The following LOC400499 variants were observed in gnomAD, a reference collection of about 807,000 sequenced individuals.
At chr16:11,437,498 G>A in the LOC400499 span, among the ~76,000 whole-genome samples, 1 of 152,228 alleles carries the variant, frequency 6.6e-6, no homozygotes, top group Non-Finnish European at 1.5e-5. Context: ...GGTGGAGGCT[G>A]CAGTGAGCCA....
At chr16:11,401,838 G>A in the LOC400499 span, among the ~76,000 whole-genome samples, 1 of 152,206 alleles carries the variant, frequency 6.6e-6, no homozygotes, top group Non-Finnish European at 1.5e-5. Flanking sequence ...CGTCACTGCC[G>A]TGGCTGTCAA....
the LOC400499 span, chr16:11,384,967 C>T: frequency 1.6e-6 from 2 of 1,232,264 alleles, no homozygotes; most frequent in Non-Finnish European, 2.0e-6. Context: ...CCTCGCTGGC[C>T]AGCTCAATCC....
At chr16:11,506,844 C>G in the LOC400499 span, among the ~76,000 whole-genome samples, 1 of 152,240 alleles carries the variant, frequency 6.6e-6, no homozygotes, top group South Asian at 2.1e-4. Flanking sequence ...GGTCTATCCC[C>G]CTGGCAACCC....
the LOC400499 span, chr16:11,399,666 C>G: frequency 0.012 from 4,979 of 398,706 alleles, 195 homozygotes; most frequent in African/African-American, 0.092. Context: ...GCGAGGGGGA[C>G]CCCCTCACTC....
the LOC400499 span, among the ~76,000 whole-genome samples, chr16:11,442,719 C>G: frequency 6.6e-6 from 1 of 152,122 alleles, no homozygotes; most frequent in African/African-American, 2.4e-5. Flanking sequence ...AATTAATTTC[C>G]TTAAAAAATT....
chr16:11,375,612 C>G, the LOC400499 span, among the ~76,000 whole-genome samples: 1 of 151,994 alleles, frequency 6.6e-6, no homozygotes. Context: ...TGTGCCTGGC[C>G]TCTCCATGTG....
the LOC400499 span, chr16:11,385,363 A>G: frequency 2.4e-6 from 3 of 1,232,118 alleles, no homozygotes; most frequent in African/African-American, 4.7e-5. Context: ...CTGAGGTCCC[A>G]TACCCGGCCG....
chr16:11,423,420 G>T, the LOC400499 span, among the ~76,000 whole-genome samples: 134 of 152,340 alleles, frequency 8.8e-4, no homozygotes, highest in Non-Finnish European at 6.6e-4. Context: ...GCGAAGCCAC[G>T]GCATCATCAT....
the LOC400499 span, among the ~76,000 whole-genome samples, chr16:11,382,913 G>C: frequency 6.6e-6 from 1 of 150,562 alleles, no homozygotes; most frequent in Non-Finnish European, 1.5e-5. Context: ...TGATATAAAG[G>C]AGCACCTGAG....
chr16:11,507,107 C>A, the LOC400499 span, among the ~76,000 whole-genome samples: 41 of 152,194 alleles, frequency 2.7e-4, no homozygotes, highest in African/African-American at 8.9e-4. Flanking sequence ...GCCACCCCTG[C>A]CAGGGGAAAT....
At chr16:11,375,314 T>G in the LOC400499 span, among the ~76,000 whole-genome samples, 2 of 77,696 alleles carry the variant, frequency 2.6e-5, no homozygotes, top group Non-Finnish European at 5.7e-5. Flanking sequence ...CTCCATGTAC[T>G]TTTTTTTTTT....
chr16:11,507,137 G>C, the LOC400499 span, among the ~76,000 whole-genome samples: 2 of 152,138 alleles, frequency 1.3e-5, no homozygotes, highest in African/African-American at 4.8e-5. Context: ...GGTGGTCAGG[G>C]GTCCTCTTGG....
chr16:11,501,827 C>T, the LOC400499 span, among the ~76,000 whole-genome samples: 2 of 152,140 alleles, frequency 1.3e-5, no homozygotes, highest in Non-Finnish European at 2.9e-5. Context: ...CTGTCTTTAT[C>T]CGCCAGGCCC....
At chr16:11,380,547 A>T in the LOC400499 span, among the ~76,000 whole-genome samples, 1 of 152,172 alleles carries the variant, frequency 6.6e-6, no homozygotes. Flanking sequence ...AAGAATAATA[A>T]GTGTCTTAAT....
the LOC400499 span, among the ~76,000 whole-genome samples, chr16:11,466,429 C>A: frequency 6.6e-6 from 1 of 152,080 alleles, no homozygotes; most frequent in Admixed American, 6.6e-5. Context: ...GCTCTGTTGC[C>A]CAGGCTGCAG....
the LOC400499 span, among the ~76,000 whole-genome samples, chr16:11,381,719 A>G: frequency 0.43 from 64,826 of 152,054 alleles, 14,155 homozygotes; most frequent in Non-Finnish European, 0.48. Flanking sequence ...GGGTACACAC[A>G]CTAACCTCAT....
the LOC400499 span, among the ~76,000 whole-genome samples, chr16:11,477,198 T>C: frequency 6.6e-6 from 1 of 152,210 alleles, no homozygotes; most frequent in East Asian, 1.9e-4. Context: ...GGACAAAGCA[T>C]GTGGCTGGGA....
the LOC400499 span, among the ~76,000 whole-genome samples, chr16:11,511,277 T>G: frequency 8.0e-3 from 1,222 of 152,194 alleles, 17 homozygotes; most frequent in African/African-American, 0.028. Flanking sequence ...GATTACAGGC[T>G]TGAGCCACTG....
At chr16:11,389,502 C>CA in the LOC400499 span, among the ~76,000 whole-genome samples, 1 of 151,944 alleles carries the variant, frequency 6.6e-6, no homozygotes, top group Non-Finnish European at 1.5e-5. Context: ...GCCAACATGG[C>CA]AGAACCCTGT....
Sources: gnomAD v4.1 joint callset for allele counts (sites outside exome capture counted in the v4.1 genomes callset) on GRCh38, gnomAD v4.1.1 for gene constraint, MANE v1.5 for transcripts.